MAST4: variants seen among roughly 807,000 people sequenced by gnomAD.
MAST4 encodes the protein microtubule-associated serine/threonine-protein kinase 4.
A neutral mutation model predicts 162.7 loss-of-function variants in MAST4; 89 were observed. That is an observed-to-expected ratio of 0.55 (90% CI 0.46 to 0.65). The LOEUF is 0.65. MAST4 is among the 30% of genes least tolerant of loss of function. MAST4 has a pLI of 0.00. For synonymous variants in MAST4, 1,479 were observed against 1,361.1 expected (o/e 1.09, Z -1.91); for missense variants, 3,153 against 3,374.0 (o/e 0.93, Z 1.62).
chr5:67,167,262 TACAAAAAAAA>T lies in MAST4; in HGVS notation c.*213_*222del, dbSNP rs1774164800. The T allele has an allele frequency of 9.1e-6, 1 of 109,576 alleles. No individual in the cohort carries two copies. The highest frequency in any genetic ancestry group is 9.9e-5 in the East Asian group (1 of 10,078). The allele number at this position is 109,576 out of a possible 1,614,324, so 6.8% of individuals were successfully genotyped here. ...TAAAACTGTTACCAGATAGTGTTTGTACAAAAAAAAAAAAAAAAAAAAAAAAAAAAATTAC... is the reference window on the plus strand; with the variant it reads ...TAAAACTGTTACCAGATAGTGTTTGTAAAAAAAAAAAAAAAAAAAAATTAC... On this transcript the variant is annotated 3_prime_UTR_variant, in exon 29 of 29. Coordinates refer to ENST00000403625, the MANE Select transcript of MAST4 (RefSeq NM_001164664.2).
At chr5:66,852,336 G>A (rs1759372664) in intron 3 of MAST4, among the ~76,000 whole-genome samples, 1 of 152,036 alleles carries the variant, frequency 6.6e-6, no homozygotes, top group South Asian at 2.1e-4. Context: ...GTTGAGACGG[G>A]GTTTTGCCAT....
intron 1 of MAST4, among the ~76,000 whole-genome samples, chr5:66,753,706 G>A (rs1268931020): frequency 1.3e-5 from 2 of 150,566 alleles, no homozygotes; most frequent in Admixed American, 6.6e-5. Flanking sequence ...ATTCACAGCC[G>A]AATTCTACCA....
chr5:67,122,631 A>G (rs1767719844), intron 14 of MAST4, among the ~76,000 whole-genome samples: 1 of 152,174 alleles, frequency 6.6e-6, no homozygotes. Context: ...ACTTTGATTT[A>G]ATGGGTGTAT....
chr5:67,019,716 A>T (rs906778350), intron 4 of MAST4, among the ~76,000 whole-genome samples: 1 of 152,142 alleles, frequency 6.6e-6, no homozygotes, highest in African/African-American at 2.4e-5. Context: ...ACTTTTTTTT[A>T]AACTCTAAAG....
At chr5:67,039,271 T>C (rs1288091913) in intron 4 of MAST4, among the ~76,000 whole-genome samples, 1 of 152,212 alleles carries the variant, frequency 6.6e-6, no homozygotes, top group Non-Finnish European at 1.5e-5. Context: ...GCAGTTTAAT[T>C]TCATGTGGGT....
intron 1 of MAST4, among the ~76,000 whole-genome samples, chr5:66,739,062 C>G (rs1752333223): frequency 6.6e-6 from 1 of 151,682 alleles, no homozygotes; most frequent in South Asian, 2.1e-4. Context: ...GCTTTATTAT[C>G]AAGCAAAAAA....
intron 4 of MAST4, among the ~76,000 whole-genome samples, chr5:67,050,101 A>G (rs1423894906): frequency 6.6e-6 from 1 of 152,212 alleles, no homozygotes; most frequent in Non-Finnish European, 1.5e-5. Context: ...AGTAGCCCAT[A>G]GTCCTCTTTG....
rs1761872801 is a variant in MAST4, at chr5:66,883,908, T to A, written c.643-16043T>A. 2.0e-5 allele frequency among the ~76,000 whole-genome samples: 3 copies of A among 152,194 alleles called. No individual in the cohort carries two copies. The South Asian group carries it at 6.2e-4, about 31-fold the overall frequency. ...TGTAGCTCTTGCTTTTAGTCTTTTT[T>A]TTGGATGCGTTGCTGCAATCTTGCA... On this transcript the variant is annotated intron_variant, in intron 3 of 28. Coordinates refer to ENST00000403625, the MANE Select transcript of MAST4 (RefSeq NM_001164664.2).
At chr5:67,040,445 G>T (rs563781674) in intron 4 of MAST4, among the ~76,000 whole-genome samples, 2 of 152,114 alleles carry the variant, frequency 1.3e-5, no homozygotes, top group South Asian at 4.1e-4. Flanking sequence ...AGGAAGGAGC[G>T]TCTATATCGT....
chr5:66,911,764 G>A (rs1225436333), intron 4 of MAST4, among the ~76,000 whole-genome samples: 1 of 151,870 alleles, frequency 6.6e-6, no homozygotes, highest in South Asian at 2.1e-4. Flanking sequence ...GAATTTAAAC[G>A]TGTATTATAG....
intron 1 of MAST4, among the ~76,000 whole-genome samples, chr5:66,642,515 G>A (rs1044568233): frequency 2.2e-4 from 34 of 152,294 alleles, no homozygotes; most frequent in African/African-American, 8.2e-4. Context: ...TTGTGGTTAT[G>A]TTTAAAAAGA....
At chr5:66,737,439 A>G (rs1252479246) in intron 1 of MAST4, among the ~76,000 whole-genome samples, 1 of 152,180 alleles carries the variant, frequency 6.6e-6, no homozygotes, top group East Asian at 1.9e-4. Flanking sequence ...TGTTTTTCAA[A>G]AGTAAGCCAC....
chr5:66,683,246 T>C lies in MAST4; in HGVS notation c.364-76463T>C, dbSNP rs558702819. ...CAATTCTAAATATGGAAGTTAGCCC[T>C]CTGACATCACTTAGGTTGAAGCAAG... On this transcript the variant is annotated intron_variant, in intron 1 of 28. Coordinates refer to ENST00000403625, the MANE Select transcript of MAST4 (RefSeq NM_001164664.2). Among the ~76,000 whole-genome samples the C allele has an allele frequency of 2.0e-5, 3 of 152,366 alleles. No individual in the cohort carries two copies. In the South Asian group the frequency reaches 6.2e-4, roughly 32 times the overall value.
At chr5:66,742,903 C>T (rs1034373975) in intron 1 of MAST4, among the ~76,000 whole-genome samples, 28 of 152,092 alleles carry the variant, frequency 1.8e-4, no homozygotes, top group African/African-American at 5.8e-4. Context: ...CTCATAACCC[C>T]GGGTGAATAG....
At chr5:67,134,403 A>T in intron 17 of MAST4, 120 bp from the exon 18 acceptor site, 1 of 694,486 alleles carries the variant, frequency 1.4e-6, no homozygotes. Context: ...TTCTTTGTCC[A>T]TGTGGTTCCA....
chr5:66,697,025 T>G (rs752805183), intron 1 of MAST4, among the ~76,000 whole-genome samples: 2 of 152,190 alleles, frequency 1.3e-5, no homozygotes, highest in African/African-American at 4.8e-5. Context: ...TGAAATATGG[T>G]TGTCTCAAGG....
At chr5:66,780,611 A>C (rs258259) in intron 2 of MAST4, among the ~76,000 whole-genome samples, 2 of 152,096 alleles carry the variant, frequency 1.3e-5, no homozygotes, top group Admixed American at 1.3e-4. Flanking sequence ...CCACAGTGTG[A>C]AAAGGGACCC....
chr5:66,899,592 C>G (rs1580808814), intron 3 of MAST4, among the ~76,000 whole-genome samples: 1 of 152,130 alleles, frequency 6.6e-6, no homozygotes, highest in African/African-American at 2.4e-5. Context: ...CAAAATGTCT[C>G]CTACTTCTTA....
intron 4 of MAST4, chr5:67,003,887 C>G (rs947519182): frequency 6.6e-6 from 1 of 152,198 alleles, no homozygotes; most frequent in African/African-American, 2.4e-5. Flanking sequence ...AGGTGTGCAC[C>G]GTGGTCATTG....
Sources: gnomAD v4.1 joint callset for allele counts (sites outside exome capture counted in the v4.1 genomes callset) on GRCh38, gnomAD v4.1.1 for gene constraint, MANE v1.5 for transcripts, NCBI Gene and HGNC (gene_info 2026-07-23, HGNC 2026-07-21) for gene names.